PI4KA: variants seen among roughly 807,000 people sequenced by gnomAD.
The protein encoded by PI4KA is phosphatidylinositol 4-kinase alpha.
A neutral mutation model predicts 271.4 loss-of-function variants in PI4KA; 122 were observed. That is an observed-to-expected ratio of 0.45 (90% CI 0.39 to 0.52). The LOEUF (loss-of-function observed/expected upper bound fraction) is 0.52, where lower values mean the gene tolerates loss of function less well. PI4KA is among the 20% of genes least tolerant of loss of function. PI4KA has a pLI of 0.00. For synonymous variants in PI4KA, 1,041 were observed against 1,078.8 expected, an observed-to-expected ratio of 0.96 and a Z score of 0.69; for missense variants, 1,969 against 2,769.1, an observed-to-expected ratio of 0.71 and a Z score of 6.48.
At chr22:20,857,916 T>C (rs926465622) in intron 1 of PI4KA, among the ~76,000 whole-genome samples, 3 of 152,196 alleles carry the variant, frequency 2.0e-5, no homozygotes, top group African/African-American at 7.2e-5. Context: ...TCTGAAGCAA[T>C]TCCAAGTTCA....
chr22:20,814,347 A>G (rs1410834084), intron 7 of PI4KA, among the ~76,000 whole-genome samples: 1 of 152,186 alleles, frequency 6.6e-6, no homozygotes, highest in East Asian at 1.9e-4. Flanking sequence ...AATGGGGAAT[A>G]ATTGATGTAT....
intron 32 of PI4KA, among the ~76,000 whole-genome samples, chr22:20,741,812 T>G (rs1054886646): frequency 5.9e-5 from 9 of 152,198 alleles, no homozygotes; most frequent in African/African-American, 2.2e-4. Context: ...GAGTATAAAC[T>G]TCCTTGTGGG....
At chr22:20,741,522 T>C (rs756728466) in intron 32 of PI4KA, among the ~76,000 whole-genome samples, 21 of 152,198 alleles carry the variant, frequency 1.4e-4, no homozygotes, top group African/African-American at 4.1e-4. Context: ...AATGGTGTGA[T>C]TGATACAAAC....
At chr22:20,848,175 T>C (rs1320754717) in intron 1 of PI4KA, among the ~76,000 whole-genome samples, 3 of 148,184 alleles carry the variant, frequency 2.0e-5, no homozygotes, top group Non-Finnish European at 3.0e-5. Flanking sequence ...GAGGCGGAGG[T>C]TGCAGTGAGC....
intron 8 of PI4KA, among the ~76,000 whole-genome samples, chr22:20,811,507 A>G (rs1336179614): frequency 6.6e-6 from 1 of 151,410 alleles, no homozygotes; most frequent in East Asian, 2.0e-4. Flanking sequence ...TACTCAAACT[A>G]GAGCTCATAT....
chr22:20,753,094 T>A lies in PI4KA; in HGVS notation c.2862+16A>T, dbSNP rs773455475. 2.5e-6 allele frequency: 4 copies of A among 1,614,096 alleles called. No homozygotes were observed. In the African/African-American group the frequency reaches 5.3e-5, roughly 22 times the overall value. On this transcript the variant is annotated intron_variant, in intron 24 of 54. Coordinates refer to ENST00000255882, the MANE Select transcript of PI4KA (RefSeq NM_058004.4). ...CCTCCAGCAGACAGACACGCATTCA[T>A]GCTGGAGAGGCTTACTTTATCCGCC... is the stretch of plus-strand genomic sequence containing the variant.
chr22:20,836,010 C>A (rs1924815854), intron 2 of PI4KA, among the ~76,000 whole-genome samples: 1 of 152,052 alleles, frequency 6.6e-6, no homozygotes, highest in South Asian at 2.1e-4. Flanking sequence ...CTAGATGGCA[C>A]CACTGCACTC....
At chr22:20,778,180 T>C (rs1049206711) in intron 19 of PI4KA, among the ~76,000 whole-genome samples, 1 of 152,136 alleles carries the variant, frequency 6.6e-6, no homozygotes, top group Non-Finnish European at 1.5e-5. Context: ...GTCTCAGCAC[T>C]AGACAAGTTC....
chr22:20,794,695 C>A (rs1934872478), intron 18 of PI4KA, among the ~76,000 whole-genome samples: 2 of 152,146 alleles, frequency 1.3e-5, no homozygotes, highest in African/African-American at 4.8e-5. Context: ...CCCTCACCAC[C>A]CTGCCCTGTT....
At chr22:20,779,251 T>C (rs2147477106) in intron 19 of PI4KA, 1 of 1,610,698 alleles carries the variant, frequency 6.2e-7, no homozygotes, top group Non-Finnish European at 8.5e-7. Context: ...CAGCGGGGTG[T>C]GGATCAGCCA....
intron 39 of PI4KA, among the ~76,000 whole-genome samples, chr22:20,728,393 TAAAG>T (rs780789782): frequency 6.6e-6 from 1 of 152,254 alleles, no homozygotes; most frequent in Non-Finnish European, 1.5e-5. Context: ...GGAACTTTCT[TAAAG>T]AAACAGGAAT....
chr22:20,730,900 A>G (rs1023163700), intron 36 of PI4KA, among the ~76,000 whole-genome samples: 2 of 151,826 alleles, frequency 1.3e-5, no homozygotes, highest in African/African-American at 4.8e-5. Context: ...GAATAGGCTG[A>G]GCACAGTGGC....
At chr22:20,749,671 C>G (rs1195982053) in intron 28 of PI4KA, among the ~76,000 whole-genome samples, 2 of 152,264 alleles carry the variant, frequency 1.3e-5, no homozygotes, top group African/African-American at 2.4e-5. Flanking sequence ...TGGCACCTCA[C>G]CTGGTGTGAG....
chr22:20,801,142 G>A (rs919572573), intron 14 of PI4KA, among the ~76,000 whole-genome samples: 13 of 148,532 alleles, frequency 8.8e-5, no homozygotes, highest in African/African-American at 3.0e-4. Flanking sequence ...CACCTGCCTC[G>A]GCCTCCCAAG....
At chr22:20,856,965 A>G (rs944995433) in intron 1 of PI4KA, among the ~76,000 whole-genome samples, 1 of 152,192 alleles carries the variant, frequency 6.6e-6, no homozygotes, top group African/African-American at 2.4e-5. Flanking sequence ...AGAATCCAGC[A>G]ATCAGTCATA....
rs558208667 is a variant in PI4KA at position 20,734,184 on chromosome 22, T to C, written c.3911A>G (p.Gln1304Arg). 2 of 1,545,500 alleles carry C rather than the reference T, an allele frequency of 1.3e-6. No homozygotes were observed. The highest frequency in any genetic ancestry group is 1.4e-5 in the African/African-American group (1 of 72,630). Residue 1304 changes from glutamine (Q) to arginine (R), a missense_variant, in exon 34 of 55, where the codon CAG (glutamine) becomes CGG (arginine). Coordinates refer to ENST00000255882, the MANE Select transcript of PI4KA (RefSeq NM_058004.4). ...PHYIWIDFLVQRFEIAKYCSS... is the reference protein window; with the variant it reads ...PHYIWIDFLVRRFEIAKYCSS... ...GCAGTACTTGGCGATCTCAAACCGCTGCACCAGGAACTGAGCGAAAAGAGG... is the reference window on the plus strand; with the variant it reads ...GCAGTACTTGGCGATCTCAAACCGCCGCACCAGGAACTGAGCGAAAAGAGG...
intron 30 of PI4KA, 88 bp downstream of exon 30, chr22:20,744,540 T>C: frequency 2.3e-6 from 2 of 862,744 alleles, no homozygotes; most frequent in East Asian, 2.5e-5. Flanking sequence ...CCGGGACGCT[T>C]TGTTCATTTT....
At position 20,788,122 on chromosome 22, in the gene PI4KA, T is replaced by C. The variant is rs1044659494; in HGVS notation, c.2328+5071A>G. ...CAGCACGCAAGAGTGCCAGTGCTCT[T>C]TCAGTGAGGGGATGACTGACGGTCA... is the stretch of plus-strand genomic sequence containing the variant. On this transcript the variant is annotated intron_variant, in intron 19 of 54. Coordinates refer to ENST00000255882, the MANE Select transcript of PI4KA (RefSeq NM_058004.4). Among the ~76,000 whole-genome samples the C allele has an allele frequency of 3.9e-5, 6 of 152,262 alleles. No individual in the cohort carries two copies. The South Asian group carries it at 1.2e-3, about 32-fold the overall frequency.
intron 25 of PI4KA, 34 bp downstream of exon 25, chr22:20,752,869 T>C (rs2147335467): frequency 5.6e-6 from 9 of 1,607,314 alleles, no homozygotes; most frequent in Non-Finnish European, 7.7e-6. Flanking sequence ...TTTATATACA[T>C]ACACACAAAA....
Sources: gnomAD v4.1 joint callset for allele counts (sites outside exome capture counted in the v4.1 genomes callset) on GRCh38, gnomAD v4.1.1 for gene constraint, MANE v1.5 for transcripts, NCBI Gene and HGNC (gene_info 2026-07-23, HGNC 2026-07-21) for gene names.